WWOX: variants seen among roughly 807,000 people sequenced by gnomAD.
WWOX encodes the protein WW domain-containing oxidoreductase.
In WWOX, 69 loss-of-function variants were observed where a neutral mutation model predicts 46.2. The observed-to-expected ratio is 1.49, with a 90% CI of 1.23 to 1.82. WWOX has a LOEUF of 1.82. Ranked by LOEUF, WWOX falls within the 40% of genes most tolerant of loss-of-function variation. The probability of loss-of-function intolerance (pLI) is 0.00; values close to 1 mark genes in which losing one functional copy is unlikely to be tolerated. For missense variants in WWOX, 919 were observed against 542.6 expected, an observed-to-expected ratio of 1.69 and a Z score of -6.89; for synonymous variants, 359 against 202.6, an observed-to-expected ratio of 1.77 and a Z score of -6.56.
At chr16:78,174,860 C>T (rs1013967940) in intron 5 of WWOX, among the ~76,000 whole-genome samples, 7 of 152,024 alleles carry the variant, frequency 4.6e-5, no homozygotes, top group South Asian at 2.1e-4. Flanking sequence ...TGGCGGCATG[C>T]GCCTTTAGTC....
Position 79,212,252 on chromosome 16 carries a change from GATA to G in WWOX, c.*459_*461del. 1 of 1,328,260 alleles carries G rather than the reference GATA, an allele frequency of 7.5e-7. No individual in the cohort carries two copies. Among genetic ancestry groups the G allele is most frequent in the Non-Finnish European group, 1.0e-6 (1 of 1,003,538 alleles). 82.3% of individuals were successfully genotyped at this position (1,328,260 alleles called of 1,614,324 possible). ...TGCTCCTTGCTGCATTGATCCAGGA[GATA>G]ATTGTTTCATTCATCCTGACCAAGA... On this transcript the variant is annotated 3_prime_UTR_variant, in exon 9 of 9. Coordinates refer to ENST00000566780, the MANE Select transcript of WWOX (RefSeq NM_016373.4).
intron 8 of WWOX, among the ~76,000 whole-genome samples, chr16:79,043,935 C>A (rs898890379): frequency 2.6e-5 from 4 of 152,222 alleles, no homozygotes; most frequent in Admixed American, 6.5e-5. Context: ...CTGCTCGGAC[C>A]TTTCTGGTCA....
intron 8 of WWOX, among the ~76,000 whole-genome samples, chr16:79,005,561 T>G (rs1203039843): frequency 6.6e-6 from 1 of 152,178 alleles, no homozygotes; most frequent in African/African-American, 2.4e-5. Flanking sequence ...TGTAGGTATT[T>G]CCTGGCAACC....
At chr16:78,815,517 C>T (rs192087812) in intron 8 of WWOX, among the ~76,000 whole-genome samples, 2 of 152,150 alleles carry the variant, frequency 1.3e-5, no homozygotes, top group Non-Finnish European at 2.9e-5. Context: ...TGCCTCTTGC[C>T]AGGACCCTGA....
intron 7 of WWOX, among the ~76,000 whole-genome samples, chr16:78,427,585 A>T (rs1479027643): frequency 6.6e-6 from 1 of 151,974 alleles, no homozygotes; most frequent in Non-Finnish European, 1.5e-5. Context: ...GTGTAGACAG[A>T]ATCCAGCCTA....
At chr16:79,081,460 T>C (rs1041890474) in intron 8 of WWOX, among the ~76,000 whole-genome samples, 13 of 152,188 alleles carry the variant, frequency 8.5e-5, no homozygotes, top group African/African-American at 3.1e-4. Flanking sequence ...CTAACTATCC[T>C]CATTAAGCCA....
At chr16:78,529,880 C>T (rs1192519801) in intron 8 of WWOX, among the ~76,000 whole-genome samples, 3 of 152,190 alleles carry the variant, frequency 2.0e-5, no homozygotes, top group East Asian at 1.9e-4. Flanking sequence ...GCAAAAATAA[C>T]AGGTAATGCT....
intron 8 of WWOX, among the ~76,000 whole-genome samples, chr16:78,506,844 C>G (rs1408688397): frequency 6.6e-6 from 1 of 151,890 alleles, no homozygotes; most frequent in East Asian, 1.9e-4. Flanking sequence ...TCCCAAGTAG[C>G]TGGAACTACA....
chr16:79,033,617 G>A (rs1399118450), intron 8 of WWOX, among the ~76,000 whole-genome samples: 1 of 152,020 alleles, frequency 6.6e-6, no homozygotes, highest in Non-Finnish European at 1.5e-5. Flanking sequence ...GGCTTTAAGG[G>A]CATTCATATT....
intron 8 of WWOX, among the ~76,000 whole-genome samples, chr16:79,015,409 AAC>A (rs1225275268): frequency 6.6e-6 from 1 of 152,222 alleles, no homozygotes; most frequent in Non-Finnish European, 1.5e-5. Context: ...GCAAAATAGT[AAC>A]AATATTTTCC....
chr16:78,370,344 G>A (rs1053435230), intron 5 of WWOX, among the ~76,000 whole-genome samples: 3 of 152,092 alleles, frequency 2.0e-5, no homozygotes, highest in Admixed American at 6.5e-5. Flanking sequence ...TGTTCTTAGA[G>A]CAGAGTTCAG....
chr16:79,138,158 G>A (rs1438744986), intron 8 of WWOX, among the ~76,000 whole-genome samples: 2 of 152,072 alleles, frequency 1.3e-5, no homozygotes, highest in East Asian at 1.9e-4. Context: ...CCTTCAAATG[G>A]TCCTTGATCA....
At chr16:78,582,725 G>A (rs1244937613) in intron 8 of WWOX, among the ~76,000 whole-genome samples, 2 of 152,294 alleles carry the variant, frequency 1.3e-5, no homozygotes, top group South Asian at 2.1e-4. Context: ...GCATAGGGTT[G>A]TTAGAAAAGT....
intron 8 of WWOX, among the ~76,000 whole-genome samples, chr16:79,187,351 C>T (rs1487136735): frequency 6.6e-6 from 1 of 152,174 alleles, no homozygotes; most frequent in Non-Finnish European, 1.5e-5. Flanking sequence ...TCAAATACCT[C>T]CTATGCCCCT....
At chr16:78,465,278 T>C (rs1281702033) in intron 8 of WWOX, among the ~76,000 whole-genome samples, 2 of 152,226 alleles carry the variant, frequency 1.3e-5, no homozygotes, top group Non-Finnish European at 2.9e-5. Context: ...TCATACTGAT[T>C]TAGACTTAAA....
intron 8 of WWOX, among the ~76,000 whole-genome samples, chr16:78,937,903 C>A (rs767097005): frequency 7.2e-5 from 11 of 152,158 alleles, no homozygotes; most frequent in Non-Finnish European, 1.3e-4. Context: ...GTTGGGATTA[C>A]AGGTGTGTGC....
At chr16:78,412,873 C>T (rs77800687) in intron 6 of WWOX, among the ~76,000 whole-genome samples, 3,226 of 152,274 alleles carry the variant, frequency 0.021, 93 homozygotes, top group African/African-American at 0.074. Context: ...AAGAGAGAGA[C>T]GAGTGCAACC....
At chr16:78,583,034 C>A (rs1394445787) in intron 8 of WWOX, among the ~76,000 whole-genome samples, 1 of 152,228 alleles carries the variant, frequency 6.6e-6, no homozygotes, top group Non-Finnish European at 1.5e-5. Flanking sequence ...CCTAGGAATT[C>A]ACAGAGTGAA....
chr16:79,069,004 C>T (rs1404955120), intron 8 of WWOX, among the ~76,000 whole-genome samples: 3 of 152,008 alleles, frequency 2.0e-5, no homozygotes, highest in Non-Finnish European at 4.4e-5. Flanking sequence ...TTGGTGTGCA[C>T]CTGAGAAGTA....
Sources: allele counts gnomAD v4.1 joint callset (sites outside exome capture counted in the v4.1 genomes callset), GRCh38; gene constraint gnomAD v4.1.1; transcripts MANE v1.5; gene names NCBI Gene and HGNC (gene_info 2026-07-23, HGNC 2026-07-21).